Variants in KIF13B observed in about 807,000 individuals in gnomAD.
The protein encoded by KIF13B is kinesin-like protein KIF13B.
Under a neutral mutation model 222.0 loss-of-function variants are expected in KIF13B, and 127 were observed. That is an observed-to-expected ratio of 0.57 (90% CI 0.50 to 0.66). The LOEUF (loss-of-function observed/expected upper bound fraction) is 0.66. Ranked by LOEUF, KIF13B falls within the 30% of genes least tolerant of loss-of-function variation. The pLI, the probability that KIF13B is intolerant of heterozygous loss-of-function variation, is 0.00. For missense variants in KIF13B, 2,173 were observed against 2,379.0 expected (o/e 0.91, Z 1.80); for synonymous variants, 976 against 919.0 (o/e 1.06, Z -1.12).
Position 29,183,168 on chromosome 8 carries a change from GTT to G in KIF13B, c.498-1164_498-1163del, listed in dbSNP as rs58034349. ...TAATAAATTATAATCCTTAAAGTTTGTTTTTTTTTTTTTTTTTTTCCAATGGA... is the reference window on the plus strand; with the variant it reads ...TAATAAATTATAATCCTTAAAGTTTGTTTTTTTTTTTTTTTTTCCAATGGA... On this transcript the variant is annotated intron_variant, in intron 6 of 39. Coordinates refer to ENST00000524189, the MANE Select transcript of KIF13B (RefSeq NM_015254.4). Among the ~76,000 whole-genome samples the G allele has an allele frequency of 5.4e-3, 632 of 117,676 alleles. 2 individuals are homozygous for G. The highest frequency in any genetic ancestry group is 0.018 in the African/African-American group (578 of 31,780). The allele number at this position is 117,676 out of a possible 152,430, so 77.2% of individuals were successfully genotyped here.
At chr8:29,157,161 G>C (rs1483453029) in intron 13 of KIF13B, among the ~76,000 whole-genome samples, 1 of 151,570 alleles carries the variant, frequency 6.6e-6, no homozygotes, top group Non-Finnish European at 1.5e-5. Flanking sequence ...CAGCCTCCAG[G>C]ATCTCTTGCC....
At chr8:29,072,510 C>A (rs760920898) in intron 38 of KIF13B, among the ~76,000 whole-genome samples, 194 bp from the exon 39 acceptor site, 2 of 152,180 alleles carry the variant, frequency 1.3e-5, no homozygotes, top group Admixed American at 1.3e-4. Context: ...CATAGTGAGA[C>A]CCCGTTTCGA....
intron 32 of KIF13B, among the ~76,000 whole-genome samples, chr8:29,111,780 TAC>T (rs1043082286): frequency 2.0e-5 from 3 of 152,244 alleles, no homozygotes; most frequent in Non-Finnish European, 4.4e-5. Context: ...TCAAGCGATT[TAC>T]AGAGACAAGA....
At chr8:29,155,908 A>C in intron 13 of KIF13B, 52 bp from the exon 14 acceptor site, 1 of 1,389,902 alleles carries the variant, frequency 7.2e-7, no homozygotes. Flanking sequence ...CATATACACA[A>C]TTGAAATCAT....
At chr8:29,191,489 T>C (rs1278536400) in intron 3 of KIF13B, among the ~76,000 whole-genome samples, 2 of 152,258 alleles carry the variant, frequency 1.3e-5, no homozygotes, top group Non-Finnish European at 2.9e-5. Flanking sequence ...AATGTTTACA[T>C]AAATTATGAC....
chr8:29,181,597 A>G (rs1812715391), intron 7 of KIF13B, among the ~76,000 whole-genome samples: 1 of 152,214 alleles, frequency 6.6e-6, no homozygotes, highest in African/African-American at 2.4e-5. Context: ...TAAAAACATT[A>G]ACTGCAAAAG....
chr8:29,186,539 T>C lies in KIF13B; in HGVS notation c.317-67A>G, dbSNP rs530332919. 59 of 1,340,910 alleles carry C rather than the reference T, an allele frequency of 4.4e-5. No homozygotes were observed. The African/African-American group carries it at 8.4e-4, about 19-fold the overall frequency. 83.1% of individuals were successfully genotyped at this position (1,340,910 alleles called of 1,614,324 possible). On this transcript the variant is annotated intron_variant, in intron 5 of 39. Transcript: ENST00000524189. Reference sequence around the variant, plus strand: ...CGTTAAATACATAACCCTCTTTCCGTTGCTCATAATAAACACTTGGCAAAA... The same window carrying C: ...CGTTAAATACATAACCCTCTTTCCGCTGCTCATAATAAACACTTGGCAAAA...
intron 10 of KIF13B, among the ~76,000 whole-genome samples, chr8:29,173,956 A>AAG (rs1286572774): frequency 1.3e-5 from 2 of 151,974 alleles, no homozygotes; most frequent in African/African-American, 4.8e-5. Flanking sequence ...AAAAAAAAAA[A>AAG]AACTCATTTG....
At chr8:29,149,249 CA>C (rs1811196105) in intron 15 of KIF13B, among the ~76,000 whole-genome samples, 1 of 152,150 alleles carries the variant, frequency 6.6e-6, no homozygotes, top group African/African-American at 2.4e-5. Flanking sequence ...GGGTTTTGAA[CA>C]CAAAACAAAG....
intron 21 of KIF13B, among the ~76,000 whole-genome samples, chr8:29,138,195 C>T (rs910165235): frequency 6.6e-6 from 1 of 151,982 alleles, no homozygotes; most frequent in African/African-American, 2.4e-5. Context: ...ACTAAAAATA[C>T]AAAATTAGCT....
chr8:29,124,653 G>C (rs1415751099), intron 26 of KIF13B, among the ~76,000 whole-genome samples: 1 of 152,090 alleles, frequency 6.6e-6, no homozygotes, highest in Admixed American at 6.5e-5. Context: ...GGAGGTCAAG[G>C]CAGGCAGATA....
At chr8:29,135,499 T>A (rs996747059) in intron 21 of KIF13B, among the ~76,000 whole-genome samples, 1 of 152,220 alleles carries the variant, frequency 6.6e-6, no homozygotes, top group African/African-American at 2.4e-5. Context: ...TAATCATAAA[T>A]CATATTTTTC....
At chr8:29,160,922 T>G in intron 12 of KIF13B, 55 bp from the exon 13 acceptor site, 1 of 1,473,402 alleles carries the variant, frequency 6.8e-7, no homozygotes, top group Non-Finnish European at 9.4e-7. Flanking sequence ...CAGTGAGATA[T>G]CCAAGCGTTT....
intron 13 of KIF13B, among the ~76,000 whole-genome samples, chr8:29,160,267 C>T (rs1811716908): frequency 4.6e-5 from 7 of 152,124 alleles, no homozygotes; most frequent in Admixed American, 4.6e-4. Flanking sequence ...ATTGATAACC[C>T]AAATTTTTAA....
At chr8:29,119,958 A>C (rs1809779857) in intron 29 of KIF13B, among the ~76,000 whole-genome samples, 1 of 152,212 alleles carries the variant, frequency 6.6e-6, no homozygotes, top group South Asian at 2.1e-4. Flanking sequence ...ACACTCATCT[A>C]TTAAGGAGAG....
At chr8:29,216,633 C>T (rs1161007294) in intron 2 of KIF13B, among the ~76,000 whole-genome samples, 1 of 151,926 alleles carries the variant, frequency 6.6e-6, no homozygotes, top group Non-Finnish European at 1.5e-5. Flanking sequence ...AAAAATACAA[C>T]TATGTTCTTT....
intron 10 of KIF13B, among the ~76,000 whole-genome samples, chr8:29,175,175 A>G (rs1563761558): frequency 6.6e-6 from 1 of 152,220 alleles, no homozygotes; most frequent in African/African-American, 2.4e-5. Context: ...ACCTCTATAA[A>G]TGGGTTAAAT....
chr8:29,143,825 A>T (rs1267386408), intron 18 of KIF13B, among the ~76,000 whole-genome samples: 4 of 152,128 alleles, frequency 2.6e-5, no homozygotes, highest in African/African-American at 9.7e-5. Context: ...CCTGGGCAAC[A>T]AAGCAAGACT....
At chr8:29,207,102 T>A (rs895758882) in intron 2 of KIF13B, among the ~76,000 whole-genome samples, 2 of 152,090 alleles carry the variant, frequency 1.3e-5, no homozygotes, top group Non-Finnish European at 2.9e-5. Flanking sequence ...CCCAACTCCC[T>A]CGCAGATGAA....
Sources: gnomAD v4.1 joint callset for allele counts (sites outside exome capture counted in the v4.1 genomes callset) on GRCh38, gnomAD v4.1.1 for gene constraint, MANE v1.5 for transcripts, NCBI Gene and HGNC (gene_info 2026-07-23, HGNC 2026-07-21) for gene names.